The following CAPN11 variants were observed in gnomAD, a reference collection of about 807,000 sequenced individuals.
CAPN11 encodes the protein calpain-11.
A neutral mutation model predicts 105.3 loss-of-function variants in CAPN11; 108 were observed. The ratio of observed to expected loss-of-function variants is 1.03; its 90% CI spans 0.88 to 1.20. The LOEUF (loss-of-function observed/expected upper bound fraction) is 1.20, where lower values mean the gene tolerates loss of function less well. Among genes scored for constraint, CAPN11 ranks in the 50% most tolerant of loss-of-function variants. The probability of loss-of-function intolerance (pLI) is 0.00; values close to 1 mark genes in which losing one functional copy is unlikely to be tolerated. For synonymous variants in CAPN11, 329 were observed against 344.5 expected, an observed-to-expected ratio of 0.96 and a Z score of 0.50; for missense variants, 883 against 924.8, an observed-to-expected ratio of 0.95 and a Z score of 0.59.
In CAPN11 at chr6:44,177,440, C is replaced by T. The variant is rs200025348; in HGVS notation, c.1416+20C>T. 6.8e-5 allele frequency: 108 copies of T among 1,589,952 alleles called. 1 individual carries two copies. The South Asian group carries it at 1.0e-3, about 15-fold the overall frequency. ...TACGCGGTGGGTGCCTGGCTGGTCTCGCCCGCCACTCACTCTCCCTCACCT... is the reference window on the plus strand; with the variant it reads ...TACGCGGTGGGTGCCTGGCTGGTCTTGCCCGCCACTCACTCTCCCTCACCT... On this transcript the variant is annotated intron_variant, in intron 12 of 22. Transcript: ENST00000398776.
At chr6:44,168,869 C>G (rs954793068) in intron 2 of CAPN11, 1 of 402,192 alleles carries the variant, frequency 2.5e-6, no homozygotes, top group African/African-American at 2.0e-5. Flanking sequence ...GATCCACCCA[C>G]CTTGGCCTCC....
At chr6:44,174,080 C>T (rs1304059145) in intron 7 of CAPN11, among the ~76,000 whole-genome samples, 1 of 152,136 alleles carries the variant, frequency 6.6e-6, no homozygotes, top group Non-Finnish European at 1.5e-5. Flanking sequence ...ATGCAATAGG[C>T]ACCCAACCAA....
intron 4 of CAPN11, among the ~76,000 whole-genome samples, 178 bp downstream of exon 4, chr6:44,170,153 C>T (rs1009861199): frequency 6.6e-6 from 1 of 152,180 alleles, no homozygotes; most frequent in Non-Finnish European, 1.5e-5. Context: ...CTTCCTGCCC[C>T]TCCCAAGTCT....
At chr6:44,171,167 T>C (rs1770927734) in intron 4 of CAPN11, among the ~76,000 whole-genome samples, 2 of 152,138 alleles carry the variant, frequency 1.3e-5, no homozygotes, top group African/African-American at 2.4e-5. Flanking sequence ...TTGGTAATCA[T>C]AGAAACTTTC....
chr6:44,181,451 A>ACACACACACACACACAACCACACCACACT (rs1773187080), intron 19 of CAPN11, 131 bp downstream of exon 19: 1 of 242,222 alleles, frequency 4.1e-6, no homozygotes, highest in Non-Finnish European at 6.3e-6. Context: ...CACCACACTC[A>ACACACACACACACACAACCACACCACACT]CACACACACA....
At chr6:44,171,571 T>C (rs1009625061) in intron 4 of CAPN11, among the ~76,000 whole-genome samples, 5 of 152,114 alleles carry the variant, frequency 3.3e-5, no homozygotes, top group Non-Finnish European at 7.4e-5. Flanking sequence ...CTCATACCTG[T>C]AATCCTAGCA....
At chr6:44,181,176 C>G (rs745440698) in intron 18 of CAPN11, 76 bp from the exon 19 acceptor site, 31 of 1,403,968 alleles carry the variant, frequency 2.2e-5, no homozygotes, top group Non-Finnish European at 3.0e-5. Context: ...TGTGTCCCCT[C>G]AGGAACCCCC....
In CAPN11 at chr6:44,177,391, C is replaced by A. The variant is rs763925993; in HGVS notation, c.1387C>A (p.Leu463Met). 6.2e-7 allele frequency: 1 copy of A among 1,613,642 alleles called. No homozygotes were observed. Residue 463 changes from leucine (L) to methionine (M), a missense_variant, in exon 12 of 23, where the codon CTG becomes ATG. Leu to Met is a conservative substitution (Grantham distance 15). Coordinates refer to ENST00000398776, the MANE Select transcript of CAPN11 (RefSeq NM_007058.4). ...GCATGCACGGCAGCAGGGAGCCCAG[C>A]TGCAGACCATTGGCTTTGTCCTCTA... ...WRHARQQGAQ[L>M]QTIGFVLYAV...
At chr6:44,178,170 GAATACTAACTACT>G (rs573565583) in intron 12 of CAPN11, among the ~76,000 whole-genome samples, 50 of 152,242 alleles carry the variant, frequency 3.3e-4, no homozygotes, top group African/African-American at 1.2e-3. Flanking sequence ...AAGGTCTTAG[GAATACTAACTACT>G]AATGCCTTTA....
In CAPN11 at chr6:44,158,834, G is replaced by C; in HGVS notation, c.-15G>C. 1 of 1,551,230 alleles carries C rather than the reference G, an allele frequency of 6.4e-7. No individual in the cohort carries two copies. ...CCAGAACCTTCAACTGTCAAGCACC[G>C]AGCTAGCCACCAGCATGCTGTACTC... is the stretch of plus-strand genomic sequence containing the variant. On this transcript the variant is annotated 5_prime_UTR_variant, in exon 1 of 23. Transcript: ENST00000398776.
intron 12 of CAPN11, among the ~76,000 whole-genome samples, chr6:44,179,227 T>A (rs1772713036): frequency 2.0e-5 from 3 of 152,164 alleles, no homozygotes; most frequent in Non-Finnish European, 4.4e-5. Context: ...TTTGGGATTC[T>A]GTTTCCTTCC....
chr6:44,183,669 A>T, intron 21 of CAPN11, 36 bp from the exon 22 acceptor site: 1 of 1,603,970 alleles, frequency 6.2e-7, no homozygotes, highest in Non-Finnish European at 8.5e-7. Flanking sequence ...CTGACTTAGC[A>T]TTCAGCCCCT....
chr6:44,173,864 A>T (rs1280859868), intron 7 of CAPN11, among the ~76,000 whole-genome samples: 3 of 152,168 alleles, frequency 2.0e-5, no homozygotes, highest in Admixed American at 2.0e-4. Context: ...GATTACAGGC[A>T]TGAGCCACGG....
At position 44,166,058 on chromosome 6, in the gene CAPN11, G is replaced by A. The variant is rs3757278; in HGVS notation, c.17-700G>A. ...CATGACTGTTTTGATGTGGGATGCG[G>A]TGTGTTGGGATCTTGGGGGACCAGG... On this transcript the variant is annotated intron_variant, in intron 1 of 22. Coordinates refer to ENST00000398776, the MANE Select transcript of CAPN11 (RefSeq NM_007058.4). Among the ~76,000 whole-genome samples, 1,435 of 152,232 alleles carry A rather than the reference G, an allele frequency of 9.4e-3. 29 individuals are homozygous for A. Among genetic ancestry groups the A allele is most frequent in the South Asian group, 0.057 (277 of 4,824 alleles).
intron 20 of CAPN11, 28 bp from the exon 21 acceptor site, chr6:44,183,091 C>G (rs748844259): frequency 6.3e-7 from 1 of 1,598,110 alleles, no homozygotes; most frequent in Non-Finnish European, 8.6e-7. Context: ...AGACTTTTCC[C>G]CTCCCCACTT....
At chr6:44,178,749 T>TAAAAAAA (rs1561850887) in intron 12 of CAPN11, among the ~76,000 whole-genome samples, 2,919 of 70,144 alleles carry the variant, frequency 0.042, 264 homozygotes, top group African/African-American at 0.11. Context: ...CCTGTCTCGA[T>TAAAAAAA]TAAAAAAAAA....
rs1216625145 is a variant in CAPN11, at chr6:44,184,129, G to A, written c.*197G>A. Reference sequence around the variant, plus strand: ...TCCGTGCCCACTCCCCCAGCTCAGAGGCTTTCTCTTTTTTCCCCAACCCGG... The same window carrying A: ...TCCGTGCCCACTCCCCCAGCTCAGAAGCTTTCTCTTTTTTCCCCAACCCGG... On this transcript the variant is annotated 3_prime_UTR_variant, in exon 23 of 23. Coordinates refer to ENST00000398776, the MANE Select transcript of CAPN11 (RefSeq NM_007058.4). 6.7e-6 allele frequency: 4 copies of A among 598,938 alleles called. No homozygotes were observed. The highest frequency in any genetic ancestry group is 1.2e-5 in the Non-Finnish European group (4 of 339,662). The allele number at this position is 598,938 out of a possible 1,614,324, so 37.1% of individuals were successfully genotyped here.
At chr6:44,168,918 G>C (rs1020462693) in intron 2 of CAPN11, 4 of 445,056 alleles carry the variant, frequency 9.0e-6, no homozygotes, top group African/African-American at 8.0e-5. Flanking sequence ...ACCACACCCA[G>C]CCTATTTATT....
chr6:44,168,159 C>G (rs797020051), intron 2 of CAPN11, among the ~76,000 whole-genome samples: 2 of 152,174 alleles, frequency 1.3e-5, no homozygotes, highest in Non-Finnish European at 2.9e-5. Flanking sequence ...TACCCTTTAG[C>G]CATCAACTTC....
Sources: gnomAD v4.1 joint callset for allele counts (sites outside exome capture counted in the v4.1 genomes callset) on GRCh38, gnomAD v4.1.1 for gene constraint, MANE v1.5 for transcripts, NCBI Gene and HGNC (gene_info 2026-07-23, HGNC 2026-07-21) for gene names.